DCAF10: variants seen among roughly 807,000 people sequenced by gnomAD.
DCAF10 encodes the protein DDB1 and CUL4 associated factor 10, also known as DDB1- and CUL4-associated factor 10.
A neutral mutation model predicts 51.9 loss-of-function variants in DCAF10; 19 were observed. The observed-to-expected ratio is 0.37, with a 90% confidence interval of 0.26 to 0.54. DCAF10 has a LOEUF of 0.54. DCAF10 is among the 20% of genes least tolerant of loss of function. The pLI is 0.87. For missense variants in DCAF10, 510 were observed against 730.6 expected (o/e 0.70, Z 3.48); for synonymous variants, 291 against 297.1 (o/e 0.98, Z 0.21).
chr9:37,824,039 C>G (rs1829783222), intron 2 of DCAF10, among the ~76,000 whole-genome samples: 1 of 151,998 alleles, frequency 6.6e-6, no homozygotes, highest in African/African-American at 2.4e-5. Context: ...TGCCACCACA[C>G]TCAGCTAATT....
chr9:37,853,040 T>G (rs118187726), intron 3 of DCAF10, among the ~76,000 whole-genome samples: 17,460 of 149,296 alleles, frequency 0.12, 1,309 homozygotes, highest in Non-Finnish European at 0.16. Context: ...AAATTTTATT[T>G]TTTTTAAAGG....
Position 37,860,131 on chromosome 9 carries a change from C to T in DCAF10, c.1249C>T (p.Gln417Ter). 6.2e-7 allele frequency: 1 copy of T among 1,614,146 alleles called. No homozygotes were observed. Among genetic ancestry groups the T allele is most frequent in the Non-Finnish European group, 8.5e-7 (1 of 1,180,012 alleles). Residue 417 changes from glutamine to a stop codon, truncating the protein, a stop_gained, in exon 6 of 7, where the codon CAG (glutamine) becomes TAG (stop). Transcript: ENST00000377724. LOFTEE classifies it high-confidence loss of function. Reference protein sequence around the residue: ...SDHGNCITSLQLHPKGWATLL... With the variant: ...SDHGNCITSL ...CCACGGAAACTGCATCACGTCCTTA[C>T]AGCTGCACCCAAAAGGCTGGGCCAC...
chr9:37,838,014 C>A (rs1328735578), intron 2 of DCAF10, among the ~76,000 whole-genome samples: 1 of 151,358 alleles, frequency 6.6e-6, no homozygotes, highest in Non-Finnish European at 1.5e-5. Flanking sequence ...CAGAGCAAGA[C>A]CCTGTCTCAA....
intron 2 of DCAF10, among the ~76,000 whole-genome samples, chr9:37,821,104 T>TATATAC (rs61079738): frequency 0.13 from 16,629 of 132,112 alleles, 1,057 homozygotes; most frequent in Non-Finnish European, 0.17. Context: ...TATATATATA[T>TATATAC]ACACACACAC....
intron 1 of DCAF10, among the ~76,000 whole-genome samples, chr9:37,815,630 C>T (rs1490685253): frequency 4.0e-5 from 6 of 150,558 alleles, no homozygotes; most frequent in East Asian, 1.9e-4. Flanking sequence ...GGGCAACAAG[C>T]GCAAAACTCT....
chr9:37,817,172 A>G (rs1829566593), intron 1 of DCAF10, among the ~76,000 whole-genome samples: 1 of 152,242 alleles, frequency 6.6e-6, no homozygotes, highest in Non-Finnish European at 1.5e-5. Context: ...ACAAAGCAAT[A>G]TGTATCTTTT....
chr9:37,836,461 A>G, intron 2 of DCAF10: 1 of 1,256,736 alleles, frequency 8.0e-7, no homozygotes, highest in Non-Finnish European at 1.2e-6. Context: ...GAGTATGTTT[A>G]AGTGGAGAGT....
rs372942559 is a variant in DCAF10, at chr9:37,860,180, G to C, written c.1298G>C (p.Ser433Thr). 81 of 1,614,002 alleles carry C rather than the reference G, an allele frequency of 5.0e-5. No individual in the cohort carries two copies. The highest frequency in any genetic ancestry group is 6.6e-5 in the Non-Finnish European group (78 of 1,179,996). ...WATLLRCSSN[S>T]DDEECTCVYE... ...ACTCTTCTTCGGTGCTCAAGCAACAGTGATGATGAGGAGGTACAGGCAGCA... is the reference window on the plus strand; with the variant it reads ...ACTCTTCTTCGGTGCTCAAGCAACACTGATGATGAGGAGGTACAGGCAGCA... The change falls in exon 6 of 7, where the codon AGT becomes ACT. Residue 433 changes from serine (S) to threonine (T), a missense_variant. Coordinates refer to ENST00000377724, the MANE Select transcript of DCAF10 (RefSeq NM_024345.5).
Position 37,862,033 on chromosome 9 carries a change from T to C in DCAF10, c.*525T>C, listed in dbSNP as rs1384720839. ...TATACTTGGCCTTTTAAAGTTACTG[T>C]TATGTTTATCTATATTGAGCACAGA... On this transcript the variant is annotated 3_prime_UTR_variant, in exon 7 of 7. Transcript: ENST00000377724. 6.5e-6 allele frequency: 1 copy of C among 154,320 alleles called. No homozygotes were observed. The highest frequency in any genetic ancestry group is 6.4e-5 in the Admixed American group (1 of 15,722). 9.6% of individuals were successfully genotyped at this position (154,320 alleles called of 1,614,324 possible). A position where few individuals can be genotyped will look rare whatever the true frequency, so the allele number is the denominator to read the frequency against.
At chr9:37,818,490 TAAATA>T (rs1318751495) in intron 1 of DCAF10, among the ~76,000 whole-genome samples, 3 of 152,050 alleles carry the variant, frequency 2.0e-5, no homozygotes, top group East Asian at 1.9e-4. Context: ...TTAATCAAAA[TAAATA>T]AAATAAAATA....
rs1333750120 is a variant in DCAF10 at position 37,863,639 on chromosome 9, G to C, written c.*2131G>C. On this transcript the variant is annotated 3_prime_UTR_variant, in exon 7 of 7. Coordinates refer to ENST00000377724, the MANE Select transcript of DCAF10 (RefSeq NM_024345.5). ...TGACTTATGGACACTTTGTCTTTAA[G>C]TTGTATTATTGTAAATACCCTTAAA... 1.3e-5 allele frequency: 2 copies of C among 152,138 alleles called. No individual in the cohort carries two copies. The highest frequency in any genetic ancestry group is 2.9e-5 in the Non-Finnish European group (2 of 68,020). The allele number at this position is 152,138 out of a possible 1,614,324, so 9.4% of individuals were successfully genotyped here. A position where few individuals can be genotyped will look rare whatever the true frequency, so the allele number is the denominator to read the frequency against.
chr9:37,811,013 T>TA (rs958180093), intron 1 of DCAF10, among the ~76,000 whole-genome samples: 2 of 152,094 alleles, frequency 1.3e-5, no homozygotes, highest in African/African-American at 4.8e-5. Flanking sequence ...TTGCCATAAT[T>TA]AAAGATGAAT....
intron 1 of DCAF10, among the ~76,000 whole-genome samples, chr9:37,818,545 T>C (rs1472606258): frequency 6.6e-6 from 1 of 152,068 alleles, no homozygotes; most frequent in Non-Finnish European, 1.5e-5. Flanking sequence ...TTGTAAAAGG[T>C]TTATAAAAAT....
At position 37,829,711 on chromosome 9, in the gene DCAF10, T is replaced by A. The variant is rs907162625; in HGVS notation, c.653+10310T>A. 3.3e-5 allele frequency among the ~76,000 whole-genome samples: 5 copies of A among 152,042 alleles called. No homozygotes were observed. Among genetic ancestry groups the A allele is most frequent in the Non-Finnish European group, 5.9e-5 (4 of 68,010 alleles). The stretch of plus-strand genomic sequence containing the variant: ...GTAAAGCTGAAGATTAATTTTTTTT[T>A]AATAATTGATGCAGGCTGGGCATGG... On this transcript the variant is annotated intron_variant, in intron 2 of 6. Transcript: ENST00000377724. This position sits in a 1 kb window ranked among gnomAD's most constrained non-coding sequence, Gnocchi z 4.2.
chr9:37,818,383 C>A (rs1387379612), intron 1 of DCAF10, among the ~76,000 whole-genome samples: 1 of 152,082 alleles, frequency 6.6e-6, no homozygotes, highest in East Asian at 1.9e-4. Context: ...TTTATTCTAT[C>A]TTATGTACGT....
At position 37,801,037 on chromosome 9, in the gene DCAF10, C is replaced by T. The variant is rs905772451; in HGVS notation, c.171C>T (p.Pro57=). ...PPPPARSPRR[P]GAPSLSPAPR... Reference sequence around the variant, plus strand: ...CACCCGCCCGAAGCCCTCGCCGCCCCGGCGCCCCATCGCTGTCCCCGGCCC... The same window carrying T: ...CACCCGCCCGAAGCCCTCGCCGCCCTGGCGCCCCATCGCTGTCCCCGGCCC... Residue 57 remains proline, a synonymous_variant, in exon 1 of 7, where the codon CCC becomes CCT. Coordinates refer to ENST00000377724, the MANE Select transcript of DCAF10 (RefSeq NM_024345.5). This position sits in a 1 kb window ranked among gnomAD's most constrained non-coding sequence, Gnocchi z 5.5. 3.2e-6 allele frequency: 5 copies of T among 1,538,912 alleles called. No homozygotes were observed. In the African/African-American group the frequency reaches 5.7e-5, roughly 17 times the overall value.
intron 2 of DCAF10, among the ~76,000 whole-genome samples, chr9:37,828,443 CAGAAAAA>C (rs1043757503): frequency 4.7e-5 from 7 of 149,968 alleles, no homozygotes; most frequent in Non-Finnish European, 8.8e-5. Context: ...GACCCCCTCT[CAGAAAAA>C]AGAAAAAAGA....
intron 1 of DCAF10, among the ~76,000 whole-genome samples, chr9:37,803,166 C>T (rs1336863914): frequency 3.3e-5 from 5 of 152,090 alleles, no homozygotes; most frequent in African/African-American, 1.2e-4. Flanking sequence ...CATATATGCT[C>T]ATTGTGTAAA....
At chr9:37,826,820 C>CT (rs397893920) in intron 2 of DCAF10, among the ~76,000 whole-genome samples, 2,261 of 123,792 alleles carry the variant, frequency 0.018, 33 homozygotes, top group Non-Finnish European at 0.025. Flanking sequence ...ACCACAATAC[C>CT]TTTTTTTTTT....
Sources: gnomAD v4.1 joint callset for allele counts (sites outside exome capture counted in the v4.1 genomes callset) on GRCh38, gnomAD v4.1.1 for gene constraint, Gnocchi (gnomAD v3.1) non-coding constraint, MANE v1.5 for transcripts, NCBI Gene and HGNC (gene_info 2026-07-23, HGNC 2026-07-21) for gene names.